MILR1: variants seen among roughly 807,000 people sequenced by gnomAD.
MILR1 encodes allergin-1.
In MILR1, 31 loss-of-function variants were observed where a neutral mutation model predicts 18.5. The observed-to-expected ratio is 1.68, with a 90% CI of 1.26 to 2.26. The LOEUF (loss-of-function observed/expected upper bound fraction) is 2.26, where lower values mean the gene tolerates loss of function less well. MILR1 is among the 30% of genes most tolerant of loss of function. The pLI is 0.00. For synonymous variants in MILR1, 85 were observed against 56.2 expected (o/e 1.51, Z -2.30); for missense variants, 257 against 157.4 (o/e 1.63, Z -3.38).
chr17:64,491,992 A>G, the MILR1 span, among the ~76,000 whole-genome samples: 1 of 152,160 alleles, frequency 6.6e-6, no homozygotes, highest in South Asian at 2.1e-4. Flanking sequence ...AAAAGTGAAA[A>G]TACTGAGTAT....
At chr17:64,497,197 C>A in the MILR1 span, among the ~76,000 whole-genome samples, 5 of 152,234 alleles carry the variant, frequency 3.3e-5, no homozygotes, top group Non-Finnish European at 7.3e-5. Flanking sequence ...GCTTGCCGTT[C>A]GCGTCGCGCC....
chr17:64,479,269 C>T, the MILR1 span, among the ~76,000 whole-genome samples: 3 of 151,292 alleles, frequency 2.0e-5, no homozygotes, highest in Admixed American at 6.6e-5. Flanking sequence ...CTGCAACCTC[C>T]GCCTCCTGGG....
At chr17:64,463,640 G>A (rs2037480831) in intron 5 of MILR1, among the ~76,000 whole-genome samples, 1 of 152,002 alleles carries the variant, frequency 6.6e-6, no homozygotes, top group Non-Finnish European at 1.5e-5. Flanking sequence ...GAGGTCACAA[G>A]TTATACATCT....
At chr17:64,487,431 T>C in the MILR1 span, 1 of 151,960 alleles carries the variant, frequency 6.6e-6, no homozygotes, top group Non-Finnish European at 1.5e-5. Flanking sequence ...CTGGCCAACA[T>C]GGTAAAACCC....
At chr17:64,493,161 T>C in the MILR1 span, 8 of 925,752 alleles carry the variant, frequency 8.6e-6, no homozygotes, top group South Asian at 9.5e-5. Context: ...CTCACGCCTA[T>C]AATCCCAGCA....
chr17:64,496,856 C>A, the MILR1 span: 2 of 1,613,736 alleles, frequency 1.2e-6, no homozygotes, highest in Non-Finnish European at 8.5e-7. Context: ...TCCTTTGGGG[C>A]TACTCCTTTC....
chr17:64,455,205 TG>T (rs1309308887), intron 3 of MILR1, among the ~76,000 whole-genome samples: 13 of 152,312 alleles, frequency 8.5e-5, no homozygotes, highest in African/African-American at 3.1e-4. Context: ...ATATGTTTTT[TG>T]TGCACGACCT....
In MILR1 at chr17:64,460,855, T is replaced by C. The variant is rs1193603701; in HGVS notation, c.686T>C (p.Leu229Pro). ...AGCTGTCCTTTCTGTCTGAAGCTACTACTTCCAGGGTTATTACTGTTGCTG... is the reference window on the plus strand; with the variant it reads ...AGCTGTCCTTTCTGTCTGAAGCTACCACTTCCAGGGTTATTACTGTTGCTG... ...GDSCPFCLKL[L>P]LPGLLLLLVV... is the part of the protein sequence containing the mutation. The change falls in exon 5 of 10, where the codon CTA (leucine) becomes CCA (proline). Residue 229 changes from leucine to proline, a missense_variant. Coordinates refer to ENST00000619286, the MANE Select transcript of MILR1 (RefSeq NM_001085423.2). 1.3e-5 allele frequency: 6 copies of C among 475,180 alleles called. No homozygotes were observed. Among genetic ancestry groups the C allele is most frequent in the Non-Finnish European group, 2.3e-5 (6 of 258,930 alleles). The allele number at this position is 475,180 out of a possible 1,614,324, so 29.4% of individuals were successfully genotyped here.
the MILR1 span, chr17:64,490,880 C>T: frequency 6.2e-7 from 1 of 1,613,732 alleles, no homozygotes; most frequent in Non-Finnish European, 8.5e-7. Flanking sequence ...ACTCCTTTCC[C>T]CAGGGAAAAT....
intron 6 of MILR1, among the ~76,000 whole-genome samples, chr17:64,465,964 C>CT (rs2037548603): frequency 6.6e-6 from 1 of 152,112 alleles, no homozygotes; most frequent in Non-Finnish European, 1.5e-5. Flanking sequence ...TCTCATGCTA[C>CT]TATAAGGACA....
At chr17:64,477,010 T>C in the MILR1 span, among the ~76,000 whole-genome samples, 1 of 152,190 alleles carries the variant, frequency 6.6e-6, no homozygotes, top group Non-Finnish European at 1.5e-5. Flanking sequence ...CTTATAAACA[T>C]AGATATTAGA....
the MILR1 span, among the ~76,000 whole-genome samples, chr17:64,493,784 C>G: frequency 6.6e-6 from 1 of 152,174 alleles, no homozygotes; most frequent in Non-Finnish European, 1.5e-5. Context: ...CCGCGCCCGA[C>G]AAAGATTTTC....
intron 3 of MILR1, among the ~76,000 whole-genome samples, chr17:64,455,212 G>A (rs1440757989): frequency 5.9e-5 from 9 of 152,092 alleles, no homozygotes; most frequent in African/African-American, 1.2e-4. Context: ...TTTTGTGCAC[G>A]ACCTTCCTGC....
At chr17:64,473,121 G>A (rs963758980), downstream of MILR1, among the ~76,000 whole-genome samples, 13 of 152,074 alleles carry the variant, frequency 8.5e-5, no homozygotes, top group South Asian at 6.2e-4. Context: ...AGGCCGAGGC[G>A]GGTGGATCAC....
In MILR1 at chr17:64,463,817, A is replaced by ATT. The variant is rs1200586705; in HGVS notation, c.764-1612_764-1611dup. On this transcript the variant is annotated intron_variant, in intron 5 of 9. Coordinates refer to ENST00000619286, the MANE Select transcript of MILR1 (RefSeq NM_001085423.2). ...AGGTATGCACCACAACTCCTGGCTAATTTTTTTTTTTTTTTTTTTTTTTTG... is the reference window on the plus strand; with the variant it reads ...AGGTATGCACCACAACTCCTGGCTAATTTTTTTTTTTTTTTTTTTTTTTTTTG... Among the ~76,000 whole-genome samples the ATT allele has an allele frequency of 6.8e-3, 709 of 103,922 alleles. 52 individuals are homozygous for ATT. The highest frequency in any genetic ancestry group is 0.025 in the African/African-American group (626 of 24,840). 68.2% of individuals were successfully genotyped at this position (103,922 alleles called of 152,430 possible).
At chr17:64,475,841 TCTCA>T in the MILR1 span, among the ~76,000 whole-genome samples, 2 of 139,368 alleles carry the variant, frequency 1.4e-5, no homozygotes, top group East Asian at 4.5e-4. Flanking sequence ...TGAGACAGCG[TCTCA>T]CTGTGTCACC....
chr17:64,496,759 T>G, the MILR1 span: 6 of 1,613,962 alleles, frequency 3.7e-6, no homozygotes, highest in Middle Eastern at 3.3e-4. Context: ...GACAGATCTC[T>G]AACAGCGCCT....
chr17:64,488,089 T>A, the MILR1 span, among the ~76,000 whole-genome samples: 1 of 151,306 alleles, frequency 6.6e-6, no homozygotes, highest in Non-Finnish European at 1.5e-5. Context: ...AGAGGCTGGG[T>A]GCAGTGGTTT....
chr17:64,455,864 A>AC lies in MILR1; in HGVS notation c.368-1533dup, dbSNP rs1290429518. Among the ~76,000 whole-genome samples the AC allele has an allele frequency of 6.1e-3, 923 of 150,192 alleles. 8 individuals carry two copies. Among genetic ancestry groups the AC allele is most frequent in the African/African-American group, 0.022 (886 of 41,010 alleles). ...AGACCAGTCTGGCCAACATGGTGAA[A>AC]CCCTGTCTGTACTAAAAATACAAAA... On this transcript the variant is annotated intron_variant, in intron 3 of 9. Transcript: ENST00000619286.
Sources: allele counts gnomAD v4.1 joint callset (sites outside exome capture counted in the v4.1 genomes callset), GRCh38; gene constraint gnomAD v4.1.1; transcripts MANE v1.5; gene names NCBI Gene and HGNC (gene_info 2026-07-23, HGNC 2026-07-21).